P2RX5: variants seen among roughly 807,000 people sequenced by gnomAD.
P2RX5 encodes P2X purinoceptor 5.
In P2RX5, 46 loss-of-function variants were observed where a neutral mutation model predicts 54.1. That is an observed-to-expected ratio of 0.85 (90% confidence interval 0.67 to 1.09). P2RX5 has a LOEUF of 1.09. P2RX5 is among the 50% of genes least tolerant of loss of function. The probability of loss-of-function intolerance (pLI) is 0.00; values close to 1 mark genes in which losing one functional copy is unlikely to be tolerated. For missense variants in P2RX5, 566 were observed against 549.8 expected (o/e 1.03, Z -0.29); for synonymous variants, 226 against 226.4 (o/e 1.00, Z 0.02).
Position 3,681,946 on chromosome 17 carries a change from G to A in P2RX5, c.1014C>T (p.Tyr338=). ...GGTAAAACTCTCTCTTTTTGATGAG[G>A]TAGATGAGTACCAGGTCGCAGAAGA... ...GAFFCDLVLI[Y]LIKKREFYRD... Residue 338 remains tyrosine (Y), a synonymous_variant, in exon 10 of 12, where the codon TAC becomes TAT. Transcript: ENST00000225328. 1 of 1,613,664 alleles carries A rather than the reference G, an allele frequency of 6.2e-7. No individual in the cohort carries two copies. The highest frequency in any genetic ancestry group is 8.5e-7 in the Non-Finnish European group (1 of 1,179,652).
chr17:3,692,284 T>C (rs2050640985), intron 1 of P2RX5, among the ~76,000 whole-genome samples: 1 of 151,644 alleles, frequency 6.6e-6, no homozygotes, highest in Non-Finnish European at 1.5e-5. Context: ...ACCACTGCAC[T>C]CCAGCCTGGG....
intron 10 of P2RX5, among the ~76,000 whole-genome samples, chr17:3,680,751 G>GTCCTCCACCCTGCA (rs2050248602): frequency 3.3e-5 from 2 of 60,218 alleles, no homozygotes; most frequent in African/African-American, 6.7e-5. Flanking sequence ...TCCACCCAGC[G>GTCCTCCACCCTGCA]TCCTCCACCC....
At chr17:3,707,385 C>T in the P2RX5 span, among the ~76,000 whole-genome samples, 1 of 152,158 alleles carries the variant, frequency 6.6e-6, no homozygotes, top group Non-Finnish European at 1.5e-5. Context: ...AACCAGCTAG[C>T]CAATCCAGTC....
At chr17:3,693,089 A>C (rs1008116528) in intron 1 of P2RX5, among the ~76,000 whole-genome samples, 3 of 148,264 alleles carry the variant, frequency 2.0e-5, no homozygotes, top group African/African-American at 7.4e-5. Flanking sequence ...CAAATAATCC[A>C]ATTTAAAAAT....
intron 2 of P2RX5, 54 bp from the exon 3 acceptor site, chr17:3,691,081 C>T (rs896505085): frequency 6.5e-5 from 86 of 1,327,216 alleles, no homozygotes; most frequent in East Asian, 9.3e-5. Flanking sequence ...AGGGACCACC[C>T]CACCTTTCCA....
At chr17:3,715,033 C>A in the P2RX5 span, 1 of 698,208 alleles carries the variant, frequency 1.4e-6, no homozygotes, top group East Asian at 2.6e-5. Flanking sequence ...TAAATAGCCC[C>A]TATATTCCTC....
chr17:3,697,047 T>TA (rs2050772806), upstream of P2RX5, among the ~76,000 whole-genome samples: 1 of 149,032 alleles, frequency 6.7e-6, no homozygotes, highest in South Asian at 2.1e-4. Flanking sequence ...GCTGCAGGTT[T>TA]AAAAGCCCAC....
At chr17:3,700,518 G>GTGAGA (rs2050810179), upstream of P2RX5, among the ~76,000 whole-genome samples, 3 of 149,348 alleles carry the variant, frequency 2.0e-5, no homozygotes, top group South Asian at 6.6e-4. Flanking sequence ...GGGCGACAGA[G>GTGAGA]TGAGACTCTG....
chr17:3,700,536 A>T (rs2050810369), upstream of P2RX5, among the ~76,000 whole-genome samples: 1 of 150,534 alleles, frequency 6.6e-6, no homozygotes, highest in African/African-American at 2.4e-5. Flanking sequence ...CTGGCTCGAA[A>T]AAAAAAAAAA....
intron 1 of P2RX5, among the ~76,000 whole-genome samples, chr17:3,692,843 A>C (rs538747167): frequency 2.0e-4 from 31 of 152,140 alleles, no homozygotes; most frequent in Non-Finnish European, 4.3e-4. Context: ...CAACAACAAA[A>C]AAATGAAATA....
chr17:3,691,114 C>T (rs2050605006), intron 2 of P2RX5, 87 bp from the exon 3 acceptor site: 5 of 1,005,516 alleles, frequency 5.0e-6, no homozygotes, highest in Non-Finnish European at 7.8e-6. Flanking sequence ...AGAGGGCGGT[C>T]CCTCTGCCTG....
chr17:3,674,767 C>T (rs1177487770), intron 11 of P2RX5, among the ~76,000 whole-genome samples: 1 of 152,232 alleles, frequency 6.6e-6, no homozygotes, highest in Non-Finnish European at 1.5e-5. Flanking sequence ...AGTTAGGCTG[C>T]TATAACCTTT....
chr17:3,681,059 A>G (rs1016509342), intron 10 of P2RX5, among the ~76,000 whole-genome samples: 28 of 135,428 alleles, frequency 2.1e-4, no homozygotes, highest in African/African-American at 3.5e-4. Context: ...TCCACCCTGC[A>G]TCCTCCACCC....
the P2RX5 span, among the ~76,000 whole-genome samples, chr17:3,712,455 G>A: frequency 6.6e-6 from 1 of 152,202 alleles, no homozygotes; most frequent in African/African-American, 2.4e-5. Context: ...GCAGGTGTGA[G>A]GCAGGCAGAG....
At chr17:3,685,002 C>T (rs1277043383) in intron 9 of P2RX5, among the ~76,000 whole-genome samples, 1 of 152,108 alleles carries the variant, frequency 6.6e-6, no homozygotes, top group Non-Finnish European at 1.5e-5. Context: ...TGTGCCACCA[C>T]ACCTGGCTAA....
upstream of P2RX5, among the ~76,000 whole-genome samples, chr17:3,700,277 G>C (rs1484606197): frequency 6.6e-6 from 1 of 152,124 alleles, no homozygotes; most frequent in Non-Finnish European, 1.5e-5. Context: ...GCTCACGCCT[G>C]TAATCCCAGC....
In P2RX5 at chr17:3,691,659, G is replaced by A. The variant is rs142404220; in HGVS notation, c.273C>T (p.Tyr91=). ...GGACTCAGACCTGGGCTGGAATGAC[G>A]TAGTCGGCGACATCCCAGATCCGCT... The part of the protein sequence containing the change: ...LGQRIWDVAD[Y]VIPAQGENVF... Residue 91 remains tyrosine (Y), a synonymous_variant, in exon 2 of 12, where the codon TAC becomes TAT. Transcript: ENST00000225328. 7.4e-5 allele frequency: 119 copies of A among 1,614,098 alleles called. No homozygotes were observed. Among genetic ancestry groups the A allele is most frequent in the Non-Finnish European group, 8.7e-5 (103 of 1,180,050 alleles).
At chr17:3,694,753 A>C (rs1451771067) in intron 1 of P2RX5, among the ~76,000 whole-genome samples, 3 of 152,234 alleles carry the variant, frequency 2.0e-5, no homozygotes, top group African/African-American at 4.8e-5. Context: ...TTCCCTAAGC[A>C]GTTAAGTGCT....
intron 1 of P2RX5, 99 bp from the exon 2 acceptor site, chr17:3,691,893 G>T (rs1440896545): frequency 7.9e-7 from 1 of 1,265,534 alleles, no homozygotes; most frequent in Non-Finnish European, 1.2e-6. Flanking sequence ...GCAACTCCTA[G>T]TTGAGGTGGA....
Sources: gnomAD v4.1 joint callset for allele counts (sites outside exome capture counted in the v4.1 genomes callset) on GRCh38, gnomAD v4.1.1 for gene constraint, MANE v1.5 for transcripts, NCBI Gene and HGNC (gene_info 2026-07-23, HGNC 2026-07-21) for gene names.